Variants in FBXL7 observed in about 807,000 individuals in gnomAD.
FBXL7 encodes the protein F-box/LRR-repeat protein 7.
In FBXL7, 12 loss-of-function variants were observed where a neutral mutation model predicts 38.3. That is an observed-to-expected ratio of 0.31 (90% confidence interval 0.20 to 0.51). The LOEUF (loss-of-function observed/expected upper bound fraction) is 0.51, where lower values mean the gene tolerates loss of function less well. FBXL7 is among the 20% of genes least tolerant of loss of function. The pLI is 0.98. For missense variants in FBXL7, 567 were observed against 676.4 expected, an observed-to-expected ratio of 0.84 and a Z score of 1.79; for synonymous variants, 297 against 300.9, an observed-to-expected ratio of 0.99 and a Z score of 0.13.
intron 1 of FBXL7, among the ~76,000 whole-genome samples, chr5:15,554,767 T>G (rs954261342): frequency 6.6e-6 from 1 of 152,174 alleles, no homozygotes; most frequent in African/African-American, 2.4e-5. Flanking sequence ...CTAATTGTGA[T>G]CTGAGTGAGA....
intron 2 of FBXL7, among the ~76,000 whole-genome samples, chr5:15,895,114 C>T (rs114903733): frequency 0.012 from 1,761 of 152,212 alleles, 41 homozygotes; most frequent in African/African-American, 0.04. Context: ...ACTCGTTAAT[C>T]TGTTAGGTTG....
intron 2 of FBXL7, among the ~76,000 whole-genome samples, chr5:15,706,706 ACTAC>A (rs1254300216): frequency 6.6e-6 from 1 of 152,204 alleles, no homozygotes; most frequent in African/African-American, 2.4e-5. Context: ...AAGAACAACA[ACTAC>A]CTGGAAGTGG....
At chr5:15,827,036 C>T (rs539884906) in intron 2 of FBXL7, among the ~76,000 whole-genome samples, 198 of 152,094 alleles carry the variant, frequency 1.3e-3, no homozygotes, top group African/African-American at 4.1e-3. Flanking sequence ...AATCACCTTC[C>T]GCACTTCCTG....
At chr5:15,752,683 T>C (rs551821966) in intron 2 of FBXL7, among the ~76,000 whole-genome samples, 3 of 152,328 alleles carry the variant, frequency 2.0e-5, no homozygotes, top group African/African-American at 7.2e-5. Context: ...AGACTTCTCA[T>C]TGAATCAGCA....
chr5:15,714,324 G>A (rs560492614), intron 2 of FBXL7, among the ~76,000 whole-genome samples: 23 of 152,172 alleles, frequency 1.5e-4, no homozygotes, highest in Admixed American at 9.2e-4. Context: ...AGATGTGCCT[G>A]CTTCCCCTTT....
At chr5:15,786,933 G>A (rs1737146368) in intron 2 of FBXL7, among the ~76,000 whole-genome samples, 1 of 152,120 alleles carries the variant, frequency 6.6e-6, no homozygotes, top group Non-Finnish European at 1.5e-5. Context: ...TATCCAAGTG[G>A]GCCCTAAATC....
chr5:15,926,034 G>A (rs1248121104), intron 2 of FBXL7, among the ~76,000 whole-genome samples: 1 of 152,054 alleles, frequency 6.6e-6, no homozygotes, highest in Non-Finnish European at 1.5e-5. Context: ...GCACATTTAA[G>A]GTAGGCTAGG....
chr5:15,801,423 A>G (rs1737559955), intron 2 of FBXL7, among the ~76,000 whole-genome samples: 1 of 152,224 alleles, frequency 6.6e-6, no homozygotes, highest in African/African-American at 2.4e-5. Flanking sequence ...ATGATGTGTA[A>G]TAAAAAAAGT....
chr5:15,512,499 T>C (rs1299377397), intron 1 of FBXL7, among the ~76,000 whole-genome samples: 1 of 152,198 alleles, frequency 6.6e-6, no homozygotes, highest in Non-Finnish European at 1.5e-5. Flanking sequence ...AAACACCCTA[T>C]GAATAGCCGT....
At chr5:15,914,867 C>T (rs979679439) in intron 2 of FBXL7, among the ~76,000 whole-genome samples, 1 of 152,154 alleles carries the variant, frequency 6.6e-6, no homozygotes, top group Admixed American at 6.5e-5. Context: ...CTCCTGGCCT[C>T]GAAGTGCTCA....
intron 1 of FBXL7, among the ~76,000 whole-genome samples, chr5:15,547,373 G>A (rs541215172): frequency 1.3e-5 from 2 of 152,336 alleles, no homozygotes; most frequent in African/African-American, 2.4e-5. Flanking sequence ...TGGGTGTGAA[G>A]AGCAGGAGTC....
At chr5:15,711,815 A>G (rs1347101762) in intron 2 of FBXL7, among the ~76,000 whole-genome samples, 1 of 152,244 alleles carries the variant, frequency 6.6e-6, no homozygotes, top group Non-Finnish European at 1.5e-5. Flanking sequence ...ATTATTTTTA[A>G]AAGGAGAGTT....
At chr5:15,552,411 C>G (rs1738104912) in intron 1 of FBXL7, among the ~76,000 whole-genome samples, 1 of 152,190 alleles carries the variant, frequency 6.6e-6, no homozygotes, top group Non-Finnish European at 1.5e-5. Context: ...TCATGTCTTT[C>G]AGGAAGGCTA....
intron 2 of FBXL7, among the ~76,000 whole-genome samples, chr5:15,743,915 C>T (rs1163410195): frequency 1.3e-5 from 2 of 152,210 alleles, no homozygotes; most frequent in Non-Finnish European, 2.9e-5. Context: ...GAAGCAATGG[C>T]CTGAGCTCTA....
intron 2 of FBXL7, among the ~76,000 whole-genome samples, chr5:15,792,385 T>C (rs1159696424): frequency 3.3e-5 from 5 of 152,164 alleles, no homozygotes; most frequent in African/African-American, 1.2e-4. Flanking sequence ...TCCTCCTCAT[T>C]CCAGCCCATC....
chr5:15,580,971 C>T (rs1012225554), intron 1 of FBXL7, among the ~76,000 whole-genome samples: 7 of 152,118 alleles, frequency 4.6e-5, no homozygotes, highest in East Asian at 1.9e-4. Context: ...TTAGGAGTTA[C>T]GCCAACACCA....
intron 2 of FBXL7, among the ~76,000 whole-genome samples, chr5:15,630,488 T>C (rs1172378432): frequency 6.6e-6 from 1 of 152,162 alleles, no homozygotes; most frequent in Non-Finnish European, 1.5e-5. Context: ...GATTTTTTTT[T>C]TTTTTGGTTC....
At chr5:15,541,305 A>T (rs1359363347) in intron 1 of FBXL7, among the ~76,000 whole-genome samples, 1 of 150,794 alleles carries the variant, frequency 6.6e-6, no homozygotes, top group African/African-American at 2.4e-5. Context: ...GTATTTTTGA[A>T]TATGAGAAAA....
intron 2 of FBXL7, among the ~76,000 whole-genome samples, chr5:15,677,314 A>G (rs1742692570): frequency 6.6e-6 from 1 of 152,112 alleles, no homozygotes; most frequent in African/African-American, 2.4e-5. Context: ...TACTAAAACA[A>G]AAATTAGCTG....
Sources: allele counts gnomAD v4.1 joint callset (sites outside exome capture counted in the v4.1 genomes callset), GRCh38; gene constraint gnomAD v4.1.1; transcripts MANE v1.5; gene names NCBI Gene and HGNC (gene_info 2026-07-23, HGNC 2026-07-21).